The following TNRC18 variants were observed in gnomAD, a reference collection of about 807,000 sequenced individuals.
The protein encoded by TNRC18 is trinucleotide repeat containing 18.
A neutral mutation model predicts 226.7 loss-of-function variants in TNRC18; 69 were observed. The ratio of observed to expected loss-of-function variants is 0.30; its 90% CI spans 0.25 to 0.37. The LOEUF (loss-of-function observed/expected upper bound fraction) is 0.37, where lower values mean the gene tolerates loss of function less well. TNRC18 is among the 10% of genes least tolerant of loss of function. The pLI, the probability that TNRC18 is intolerant of heterozygous loss-of-function variation, is 1.00. For missense variants in TNRC18, 4,754 were observed against 4,256.6 expected, an observed-to-expected ratio of 1.12 and a Z score of -3.25; for synonymous variants, 2,449 against 1,927.6, an observed-to-expected ratio of 1.27 and a Z score of -7.09.
At chr7:5,331,549 G>A (rs1452375276) in intron 19 of TNRC18, among the ~76,000 whole-genome samples, 3 of 152,148 alleles carry the variant, frequency 2.0e-5, no homozygotes, top group Non-Finnish European at 4.4e-5. Flanking sequence ...ACAGAGTCTT[G>A]CAGCAACGGA....
Position 5,394,626 on chromosome 7 carries a change from C to T in TNRC18, c.188-31G>A, listed in dbSNP as rs1780539091. 6.6e-7 allele frequency: 1 copy of T among 1,524,662 alleles called. No homozygotes were observed. Among genetic ancestry groups the T allele is most frequent in the East Asian group, 2.5e-5 (1 of 39,264 alleles). 94.4% of individuals were successfully genotyped at this position (1,524,662 alleles called of 1,614,324 possible). On this transcript the variant is annotated intron_variant, in intron 2 of 29. Coordinates refer to ENST00000430969, the MANE Select transcript of TNRC18 (RefSeq NM_001080495.3). This position sits in a 1 kb window ranked among gnomAD's most constrained non-coding sequence, Gnocchi z 4.5. ...GAGAGAAGTTGGGAGGACCGTCAGGCAGACAACCAGGGAGGCGCCGCCGCC... is the reference window on the plus strand; with the variant it reads ...GAGAGAAGTTGGGAGGACCGTCAGGTAGACAACCAGGGAGGCGCCGCCGCC...
chr7:5,357,953 C>G (rs959095516), intron 15 of TNRC18, among the ~76,000 whole-genome samples: 2 of 152,188 alleles, frequency 1.3e-5, no homozygotes, highest in African/African-American at 4.8e-5. Flanking sequence ...CCTGGCTTTC[C>G]GTGGCACTGC....
rs1378140209 is a variant in TNRC18 at position 5,394,046 on chromosome 7, G to A, written c.343+394C>T. Among the ~76,000 whole-genome samples, 1 of 152,104 alleles carries A rather than the reference G, an allele frequency of 6.6e-6. No individual in the cohort carries two copies. The highest frequency in any genetic ancestry group is 1.9e-4 in the East Asian group (1 of 5,194). On this transcript the variant is annotated intron_variant, in intron 3 of 29. Coordinates refer to ENST00000430969, the MANE Select transcript of TNRC18 (RefSeq NM_001080495.3). The surrounding 1 kb of genome is among the most constrained non-coding windows in gnomAD (Gnocchi z 4.5). Reference sequence around the variant, plus strand: ...ATTAATGAGCCTACTGTGTACCAGGGATACAGTGCTGAGTAGATCACACTA... The same window carrying A: ...ATTAATGAGCCTACTGTGTACCAGGAATACAGTGCTGAGTAGATCACACTA...
chr7:5,359,476 G>T lies in TNRC18; in HGVS notation c.4755C>A (p.Ala1585=), dbSNP rs61741395. 2.9e-3 allele frequency: 4,643 copies of T among 1,613,958 alleles called. 121 individuals carry two copies. In the African/African-American group the frequency reaches 0.055, roughly 19 times the overall value. The part of the protein sequence containing the change: ...RHKGSEEEHD[A]LIGMGKARGR... ...CCCTGGCTTTCCCCATTCCGATGAG[G>T]GCATCATGTTCCTCCTCAGACCCCT... is the stretch of plus-strand genomic sequence containing the variant. The change falls in exon 15 of 30, where the codon GCC becomes GCA. Residue 1585 remains alanine, a synonymous_variant. Transcript: ENST00000430969.
At chr7:5,398,740 C>T (rs529587641) in intron 2 of TNRC18, among the ~76,000 whole-genome samples, 1 of 152,170 alleles carries the variant, frequency 6.6e-6, no homozygotes, top group South Asian at 2.1e-4. Flanking sequence ...GCCTCAGCCT[C>T]CTGGGTAGCA....
chr7:5,308,031 T>C lies in TNRC18; in HGVS notation c.*75A>G. 7.2e-7 allele frequency: 1 copy of C among 1,394,932 alleles called. No homozygotes were observed. Among genetic ancestry groups the C allele is most frequent in the Non-Finnish European group, 9.8e-7 (1 of 1,021,550 alleles). The allele number at this position is 1,394,932 out of a possible 1,614,324, so 86.4% of individuals were successfully genotyped here. ...TCGCATGCACACAACGCACGTGGTCTCCGCGCCATGGCAGTGATGGAGATG... is the reference window on the plus strand; with the variant it reads ...TCGCATGCACACAACGCACGTGGTCCCCGCGCCATGGCAGTGATGGAGATG... On this transcript the variant is annotated 3_prime_UTR_variant, in exon 30 of 30. Transcript: ENST00000430969.
intron 16 of TNRC18, among the ~76,000 whole-genome samples, chr7:5,356,401 C>A (rs1340196997): frequency 6.6e-6 from 1 of 152,122 alleles, no homozygotes; most frequent in East Asian, 1.9e-4. Context: ...CATCCATAGC[C>A]GAGCACGGTG....
intron 5 of TNRC18, among the ~76,000 whole-genome samples, chr7:5,384,819 G>A (rs1311082916): frequency 1.3e-5 from 2 of 152,210 alleles, no homozygotes; most frequent in Admixed American, 6.5e-5. Context: ...AAAGCCCCAG[G>A]GTCAGAGTGT....
intron 2 of TNRC18, among the ~76,000 whole-genome samples, chr7:5,414,041 G>A (rs1782005297): frequency 6.6e-6 from 1 of 151,358 alleles, no homozygotes; most frequent in Non-Finnish European, 1.5e-5. Context: ...CAACCTCCCA[G>A]GTTCAAGTGA....
At chr7:5,321,716 G>A (rs896682350) in intron 21 of TNRC18, among the ~76,000 whole-genome samples, 25 of 151,600 alleles carry the variant, frequency 1.6e-4, no homozygotes, top group African/African-American at 6.1e-4. Context: ...TTGTTGCCCA[G>A]GCTGGAGTGC....
At chr7:5,352,130 C>T in intron 16 of TNRC18, 36 bp from the exon 17 acceptor site, 1 of 1,552,104 alleles carries the variant, frequency 6.4e-7, no homozygotes, top group Non-Finnish European at 8.7e-7. Context: ...AGATAAGTCA[C>T]AGGGCAGCAG....
At chr7:5,329,165 T>C (rs1201852394) in intron 19 of TNRC18, among the ~76,000 whole-genome samples, 1 of 151,736 alleles carries the variant, frequency 6.6e-6, no homozygotes, top group Non-Finnish European at 1.5e-5. Context: ...GAGCCGAGCA[T>C]GGTGGTGAGC....
chr7:5,325,311 G>A (rs941541332), intron 19 of TNRC18, 63 bp from the exon 20 acceptor site: 3 of 1,519,200 alleles, frequency 2.0e-6, no homozygotes, highest in African/African-American at 2.8e-5. Context: ...CAGCACCCCT[G>A]TCCCCCTCAC....
intron 2 of TNRC18, among the ~76,000 whole-genome samples, chr7:5,408,351 G>A (rs1338708627): frequency 1.3e-5 from 2 of 151,472 alleles, no homozygotes; most frequent in African/African-American, 2.4e-5. Flanking sequence ...AAGTGGAAAG[G>A]AGGAAACATC....
In TNRC18 at chr7:5,388,470, C is replaced by A. The variant is rs574782018; in HGVS notation, c.1354G>T (p.Ala452Ser). 1.3e-5 allele frequency: 18 copies of A among 1,421,408 alleles called. No individual in the cohort carries two copies. Among genetic ancestry groups the A allele is most frequent in the Non-Finnish European group, 1.5e-5 (16 of 1,099,642 alleles). 88.0% of individuals were successfully genotyped at this position (1,421,408 alleles called of 1,614,324 possible). Residue 452 changes from alanine (A) to serine (S), a missense_variant, in exon 5 of 30, where the codon GCC becomes TCC. Physicochemically the swap from Ala to Ser is moderately conservative, Grantham distance 99. Coordinates refer to ENST00000430969, the MANE Select transcript of TNRC18 (RefSeq NM_001080495.3). Reference protein sequence around the residue: ...ADAPTVRATRASPDPRAYVPA... With the variant: ...ADAPTVRATRSSPDPRAYVPA... ...ACGTAGGCGCGGGGGTCCGGGGAGG[C>A]GCGTGTGGCCCGCACCGTGGGGGCA...
chr7:5,313,151 C>T lies in TNRC18; in HGVS notation c.7740G>A (p.Glu2580=), dbSNP rs746066811. The change falls in exon 27 of 30, where the codon GAG becomes GAA. Residue 2580 remains glutamate, a synonymous_variant. Transcript: ENST00000430969. ...SSSSSSSSGS[E]TEGEEEGDKN... is the part of the protein sequence containing the mutation. ...TGTCGCCTTCCTCCTCCCCTTCTGT[C>T]TCCGAGCCGCTGCTGCTGCTGCTGC... The T allele has an allele frequency of 7.9e-5, 121 of 1,531,374 alleles. No homozygotes were observed. In the African/African-American group the frequency reaches 1.4e-3, roughly 18 times the overall value. 94.9% of individuals were successfully genotyped at this position (1,531,374 alleles called of 1,614,324 possible).
chr7:5,326,107 G>C (rs1278246215), intron 19 of TNRC18, among the ~76,000 whole-genome samples: 1 of 152,070 alleles, frequency 6.6e-6, no homozygotes, highest in African/African-American at 2.4e-5. Flanking sequence ...TATGTTGCAA[G>C]TTCCTCTCCA....
At chr7:5,322,279 C>CAAT (rs951316635) in intron 21 of TNRC18, among the ~76,000 whole-genome samples, 3 of 71,338 alleles carry the variant, frequency 4.2e-5, no homozygotes, top group African/African-American at 1.3e-4. Context: ...GATTCCGTCT[C>CAAT]AATAATCATC....
chr7:5,389,042 C>T lies in TNRC18; in HGVS notation c.782G>A (p.Arg261His), dbSNP rs776169924. 13 of 1,299,006 alleles carry T rather than the reference C, an allele frequency of 1.0e-5. No individual in the cohort carries two copies. The Admixed American group carries it at 4.4e-4, about 44-fold the overall frequency. The allele number at this position is 1,299,006 out of a possible 1,614,324, so 80.5% of individuals were successfully genotyped here. Residue 261 changes from arginine (R) to histidine (H), a missense_variant, in exon 5 of 30, where the codon CGC (arginine) becomes CAC (histidine). Coordinates refer to ENST00000430969, the MANE Select transcript of TNRC18 (RefSeq NM_001080495.3). ...QDRGPPRLAE[R>H]LSPFLAESKT... ...GGACTCAGCCAGGAAGGGCGACAGG[C>T]GCTCAGCCAGGCGCGGGGGCCCCCG...
Sources: allele counts gnomAD v4.1 joint callset (sites outside exome capture counted in the v4.1 genomes callset), GRCh38; gene constraint gnomAD v4.1.1; non-coding constraint Gnocchi (gnomAD v3.1); transcripts MANE v1.5; gene names NCBI Gene and HGNC (gene_info 2026-07-23, HGNC 2026-07-21).